The following ZNF571 variants were observed in gnomAD, a reference collection of about 807,000 sequenced individuals.
ZNF571 encodes the protein zinc finger protein 571.
Under a neutral mutation model 7.7 loss-of-function variants are expected in ZNF571, and 4 were observed. The ratio of observed to expected loss-of-function variants is 0.52; its 90% CI spans 0.25 to 1.18. The LOEUF (loss-of-function observed/expected upper bound fraction) is 1.18. Ranked by LOEUF, ZNF571 falls within the 50% of genes most tolerant of loss-of-function variation. ZNF571 has a pLI of 0.14. For synonymous variants in ZNF571, 251 were observed against 232.4 expected (o/e 1.08, Z -0.73); for missense variants, 704 against 726.9 (o/e 0.97, Z 0.36).
At position 37,570,888 on chromosome 19, in the gene ZNF571, T is replaced by G. The variant is rs930819845; in HGVS notation, c.137-4597A>C. 2.6e-5 allele frequency among the ~76,000 whole-genome samples: 4 copies of G among 151,724 alleles called. No homozygotes were observed. The East Asian group carries it at 7.7e-4, about 29-fold the overall frequency. Reference sequence around the variant, plus strand: ...CATCTTTGATTACCAAAAGCATATGTAGAAGCCCCAAATGCTGCACCCACA... The same window carrying G: ...CATCTTTGATTACCAAAAGCATATGGAGAAGCCCCAAATGCTGCACCCACA... On this transcript the variant is annotated intron_variant, in intron 3 of 3. Transcript: ENST00000451802.
chr19:37,588,534 A>G (rs4803287), intron 1 of ZNF571, among the ~76,000 whole-genome samples: 40,700 of 152,010 alleles, frequency 0.27, 6,313 homozygotes, highest in East Asian at 0.63. Context: ...AGATGAGAAC[A>G]TGGACACTGG....
In ZNF571 at chr19:37,565,927, A is replaced by T; in HGVS notation, c.501T>A (p.Ser167=). 1 of 1,613,916 alleles carries T rather than the reference A, an allele frequency of 6.2e-7. No homozygotes were observed. Among genetic ancestry groups the T allele is most frequent in the Non-Finnish European group, 8.5e-7 (1 of 1,179,902 alleles). ...AGGTATTCCTGTGTTTCTTAACTTC[A>T]GAGCATTTTTCTATATTATGATTTT... ...HEENHNIEKC[S]EVKKHRNTFS... The change falls in exon 4 of 4, where the codon TCT becomes TCA. Residue 167 remains serine (S), a synonymous_variant. Coordinates refer to ENST00000451802, the MANE Select transcript of ZNF571 (RefSeq NM_016536.5).
Position 37,586,698 on chromosome 19 carries a change from T to C in ZNF571, c.-22A>G, listed in dbSNP as rs1418298563. 2 of 1,614,084 alleles carry C rather than the reference T, an allele frequency of 1.2e-6. No homozygotes were observed. The highest frequency in any genetic ancestry group is 1.7e-6 in the Non-Finnish European group (2 of 1,179,976). Reference sequence around the variant, plus strand: ...GCATGGTTTTTTAGAACTGATCAATTTTCTGGGTTCTTCTCCTGGAGGTGT... The same window carrying C: ...GCATGGTTTTTTAGAACTGATCAATCTTCTGGGTTCTTCTCCTGGAGGTGT... On this transcript the variant is annotated 5_prime_UTR_variant, in exon 2 of 4. Transcript: ENST00000451802.
At chr19:37,586,630 AT>A (rs769001655) in intron 2 of ZNF571, 37 bp downstream of exon 2, 10 of 1,613,210 alleles carry the variant, frequency 6.2e-6, no homozygotes, top group Non-Finnish European at 8.5e-6. Context: ...ACACAACAAA[AT>A]GATTGTACTT....
chr19:37,586,760 G>A lies in ZNF571; in HGVS notation c.-69-15C>T, dbSNP rs8111055. 1,224,063 of 1,493,344 alleles carry A rather than the reference G, an allele frequency of 0.82. 503,581 individuals carry two copies. Among genetic ancestry groups the A allele is most frequent in the African/African-American group, 0.97 (69,025 of 71,352 alleles). The allele number at this position is 1,493,344 out of a possible 1,614,324, so 92.5% of individuals were successfully genotyped here. On this transcript the variant is annotated splice_polypyrimidine_tract_variant and intron_variant, in intron 1 of 3. Coordinates refer to ENST00000451802, the MANE Select transcript of ZNF571 (RefSeq NM_016536.5). ...AGAAGCCAGTGCTGGACAAGGAAAA[G>A]AAGCCACAAGATTAGACTTGGCTCA...
At chr19:37,587,934 AC>A (rs776238556) in intron 1 of ZNF571, among the ~76,000 whole-genome samples, 2 of 151,826 alleles carry the variant, frequency 1.3e-5, no homozygotes, top group Non-Finnish European at 2.9e-5. Flanking sequence ...CAACATGGCT[AC>A]TAAAAAATAC....
Position 37,565,366 on chromosome 19 carries a change from CTGA to C in ZNF571, c.1059_1061del (p.His353del), listed in dbSNP as rs746363288. 35 of 1,613,666 alleles carry C rather than the reference CTGA, an allele frequency of 2.2e-5. No homozygotes were observed. Among genetic ancestry groups the C allele is most frequent in the Middle Eastern group, 1.6e-4 (1 of 6,080 alleles). On this transcript the variant is annotated inframe_deletion, in exon 4 of 4. Coordinates refer to ENST00000451802, the MANE Select transcript of ZNF571 (RefSeq NM_016536.5). ...AGGGTTTCTCTCCTGTATGAATTCTCTGATGTTCATTCAGTTGGGAGGCACATA... is the reference window on the plus strand; with the variant it reads ...AGGGTTTCTCTCCTGTATGAATTCTCTGTTCATTCAGTTGGGAGGCACATA...
chr19:37,564,628 T>C lies in ZNF571; in HGVS notation c.1800A>G (p.Gln600=), dbSNP rs759166206. 1 of 1,560,962 alleles carries C rather than the reference T, an allele frequency of 6.4e-7. No homozygotes were observed. The highest frequency in any genetic ancestry group is 1.4e-5 in the African/African-American group (1 of 73,000). ...QCGKDFRCPS[Q]LTQHTRLHN The stretch of plus-strand genomic sequence containing the variant: ...TATGAAGCCTTGTATGTTGAGTAAG[T>C]TGTGAAGGACATCTAAAGTCTTTAC... The change falls in exon 4 of 4, where the codon CAA becomes CAG. Residue 600 remains glutamine, a synonymous_variant. Coordinates refer to ENST00000451802, the MANE Select transcript of ZNF571 (RefSeq NM_016536.5).
Position 37,574,807 on chromosome 19 carries a change from C to G in ZNF571, c.137-8516G>C, listed in dbSNP as rs577858037. On this transcript the variant is annotated intron_variant, in intron 3 of 3. Coordinates refer to ENST00000451802, the MANE Select transcript of ZNF571 (RefSeq NM_016536.5). ...CCTTATCTCACTTTTACTGGCTATA[C>G]TCCTAGCTATCTAATTTCCCAGAGT... 5.9e-5 allele frequency among the ~76,000 whole-genome samples: 9 copies of G among 152,266 alleles called. No homozygotes were observed. The East Asian group carries it at 1.7e-3, about 29-fold the overall frequency.
chr19:37,582,687 T>C (rs936053636), intron 3 of ZNF571, among the ~76,000 whole-genome samples: 7 of 152,196 alleles, frequency 4.6e-5, no homozygotes, highest in African/African-American at 1.4e-4. Flanking sequence ...TTCTCCAGCC[T>C]TCCAAACCCT....
At chr19:37,570,603 C>T (rs911063854) in intron 3 of ZNF571, among the ~76,000 whole-genome samples, 2 of 152,172 alleles carry the variant, frequency 1.3e-5, no homozygotes, top group African/African-American at 2.4e-5. Context: ...GTAATTGTTA[C>T]TACCCAATGA....
At chr19:37,580,310 T>C (rs1371847703) in intron 3 of ZNF571, among the ~76,000 whole-genome samples, 1 of 152,276 alleles carries the variant, frequency 6.6e-6, no homozygotes, top group African/African-American at 2.4e-5. Flanking sequence ...TAACATGTTC[T>C]ATCAATAGCT....
chr19:37,577,371 C>A (rs1373972750), intron 3 of ZNF571, among the ~76,000 whole-genome samples: 1 of 152,166 alleles, frequency 6.6e-6, no homozygotes, highest in South Asian at 2.1e-4. Flanking sequence ...TTGAACCAAA[C>A]CTAGCCCCAA....
At chr19:37,567,983 G>T (rs2042920342) in intron 3 of ZNF571, among the ~76,000 whole-genome samples, 1 of 152,002 alleles carries the variant, frequency 6.6e-6, no homozygotes. Flanking sequence ...AAGGCCAAAT[G>T]TTCTTATATT....
chr19:37,570,958 ACAAAT>A, intron 3 of ZNF571, among the ~76,000 whole-genome samples: 1 of 152,228 alleles, frequency 6.6e-6, no homozygotes, highest in East Asian at 1.9e-4. Context: ...GTGGTGTAAT[ACAAAT>A]TACTCTAATT....
At chr19:37,575,181 C>T (rs1236852645) in intron 3 of ZNF571, among the ~76,000 whole-genome samples, 2 of 152,176 alleles carry the variant, frequency 1.3e-5, no homozygotes, top group African/African-American at 4.8e-5. Context: ...AATGCTATGT[C>T]AGTACTGAGA....
At chr19:37,579,190 A>G (rs10407657) in intron 3 of ZNF571, among the ~76,000 whole-genome samples, 117,973 of 152,128 alleles carry the variant, frequency 0.78, 45,868 homozygotes, top group South Asian at 0.88. Flanking sequence ...AACCTGTCCC[A>G]CCTCCCCACA....
chr19:37,571,917 G>A (rs1203371968), intron 3 of ZNF571, among the ~76,000 whole-genome samples: 3 of 152,126 alleles, frequency 2.0e-5, no homozygotes, highest in Non-Finnish European at 4.4e-5. Context: ...GCAGTTGATA[G>A]CCTTACTATC....
rs768875672 is a variant in ZNF571 at position 37,564,677 on chromosome 19, T to C, written c.1751A>G (p.Lys584Arg). ...TLHQRIHTGE[K>R]PYTCVQCGKD... is the part of the protein sequence containing the mutation. ...ACCACACTGGACACATGTATAGGGT[T>C]TCTCACCAGTATGGATCCTTTGATG... Residue 584 changes from lysine (K) to arginine (R), a missense_variant, in exon 4 of 4, where the codon AAA becomes AGA. By Grantham distance (26) the Lys-to-Arg change is conservative (BLOSUM62 2). Transcript: ENST00000451802. 3.1e-6 allele frequency: 5 copies of C among 1,613,262 alleles called. No individual in the cohort carries two copies. In the Admixed American group the frequency reaches 8.3e-5, roughly 27 times the overall value.
Sources: gnomAD v4.1 joint callset for allele counts (sites outside exome capture counted in the v4.1 genomes callset) on GRCh38, gnomAD v4.1.1 for gene constraint, MANE v1.5 for transcripts, NCBI Gene and HGNC (gene_info 2026-07-23, HGNC 2026-07-21) for gene names.